The following GRM7 variants were observed in gnomAD, a reference collection of about 807,000 sequenced individuals.
GRM7 encodes glutamate metabotropic receptor 7.
A neutral mutation model predicts 84.5 loss-of-function variants in GRM7; 35 were observed. The ratio of observed to expected loss-of-function variants is 0.41; its 90% CI spans 0.32 to 0.55. The LOEUF (loss-of-function observed/expected upper bound fraction) is 0.55, where lower values mean the gene tolerates loss of function less well. GRM7 is among the 20% of genes least tolerant of loss of function. The probability of loss-of-function intolerance (pLI) is 0.19; values close to 1 mark genes in which losing one functional copy is unlikely to be tolerated. For missense variants in GRM7, 1,003 were observed against 1,194.6 expected, an observed-to-expected ratio of 0.84 and a Z score of 2.36; for synonymous variants, 487 against 455.1, an observed-to-expected ratio of 1.07 and a Z score of -0.89.
At chr3:7,516,943 G>A (rs1700414314) in intron 7 of GRM7, among the ~76,000 whole-genome samples, 2 of 152,120 alleles carry the variant, frequency 1.3e-5, no homozygotes, top group Admixed American at 1.3e-4. Flanking sequence ...CTAGGTTCCT[G>A]AGATGCACCT....
intron 2 of GRM7, among the ~76,000 whole-genome samples, chr3:7,164,408 A>G (rs988825714): frequency 6.6e-6 from 1 of 152,176 alleles, no homozygotes; most frequent in Non-Finnish European, 1.5e-5. Flanking sequence ...AACTTAGCCT[A>G]TGTCTAGCTC....
At chr3:7,640,334 AAGAC>A (rs1299565797) in intron 8 of GRM7, among the ~76,000 whole-genome samples, 4 of 152,216 alleles carry the variant, frequency 2.6e-5, no homozygotes, top group Non-Finnish European at 5.9e-5. Flanking sequence ...TGCGAAGAGA[AAGAC>A]AGTGCAATAT....
At chr3:7,702,465 C>T (rs1701261145) in intron 9 of GRM7, among the ~76,000 whole-genome samples, 1 of 152,154 alleles carries the variant, frequency 6.6e-6, no homozygotes, top group Non-Finnish European at 1.5e-5. Flanking sequence ...GATATGAGTC[C>T]ACTAGTCATA....
At chr3:7,477,395 C>A (rs1315581136) in intron 7 of GRM7, among the ~76,000 whole-genome samples, 1 of 152,122 alleles carries the variant, frequency 6.6e-6, no homozygotes, top group Non-Finnish European at 1.5e-5. Context: ...TCACCCTTCC[C>A]AACTCTGGTG....
At chr3:7,369,960 TAAG>T (rs2125116151) in intron 4 of GRM7, among the ~76,000 whole-genome samples, 1 of 152,220 alleles carries the variant, frequency 6.6e-6, no homozygotes, top group Non-Finnish European at 1.5e-5. Flanking sequence ...CAGAAATAGC[TAAG>T]AAGATGCAAG....
intron 1 of GRM7, among the ~76,000 whole-genome samples, chr3:7,071,119 T>C (rs1040426079): frequency 6.6e-5 from 10 of 152,058 alleles, no homozygotes; most frequent in African/African-American, 2.4e-4. Context: ...TAGGTTCCAC[T>C]AGAGTCAAGC....
intron 1 of GRM7, among the ~76,000 whole-genome samples, chr3:7,028,547 A>C (rs1448526706): frequency 1.3e-5 from 2 of 152,184 alleles, no homozygotes; most frequent in African/African-American, 4.8e-5. Context: ...GCCTAAAACT[A>C]CCATTTTAAA....
chr3:7,591,467 A>G, intron 8 of GRM7: 1 of 447,064 alleles, frequency 2.2e-6, no homozygotes, highest in Non-Finnish European at 4.5e-6. Flanking sequence ...GGGTAGTTTT[A>G]TGCTGTATAT....
intron 9 of GRM7, among the ~76,000 whole-genome samples, chr3:7,713,079 G>C (rs550327058): frequency 6.8e-6 from 1 of 146,086 alleles, no homozygotes; most frequent in African/African-American, 2.6e-5. Flanking sequence ...TCCGACTTCT[G>C]AATAAGGTCA....
chr3:7,128,229 G>A (rs1002665572), intron 1 of GRM7, among the ~76,000 whole-genome samples: 7 of 151,774 alleles, frequency 4.6e-5, no homozygotes, highest in Non-Finnish European at 7.4e-5. Context: ...GCCATTCATT[G>A]TAAAAAATAA....
At chr3:7,273,648 T>C (rs1239080451) in intron 2 of GRM7, among the ~76,000 whole-genome samples, 1 of 152,106 alleles carries the variant, frequency 6.6e-6, no homozygotes, top group Non-Finnish European at 1.5e-5. Flanking sequence ...AAGTCTTTTC[T>C]GTCTTGAGAT....
intron 1 of GRM7, among the ~76,000 whole-genome samples, chr3:6,962,438 GA>G (rs1325278741): frequency 2.6e-5 from 4 of 151,850 alleles, no homozygotes; most frequent in Non-Finnish European, 5.9e-5. Context: ...GTCAAAAGGA[GA>G]AAAAAAGGTG....
intron 4 of GRM7, among the ~76,000 whole-genome samples, chr3:7,411,630 T>C (rs1695940730): frequency 6.6e-6 from 1 of 152,230 alleles, no homozygotes; most frequent in African/African-American, 2.4e-5. Context: ...AATGCATTCT[T>C]TATTTTCTGG....
intron 2 of GRM7, among the ~76,000 whole-genome samples, chr3:7,168,953 A>G (rs1465104096): frequency 6.6e-6 from 1 of 152,226 alleles, no homozygotes; most frequent in Admixed American, 6.5e-5. Context: ...AGGTATCTGC[A>G]TTCTTATATG....
chr3:7,162,728 C>CTTTTTTTTTTTTTTTTTTTTTTTTT (rs1559478421), intron 2 of GRM7, among the ~76,000 whole-genome samples: 1 of 57,102 alleles, frequency 1.8e-5, no homozygotes, highest in African/African-American at 5.2e-5. Flanking sequence ...TCCCATTTTT[C>CTTTTTTTTTTTTTTTTTTTTTTTTT]ATTTTTTTTT....
chr3:7,429,290 G>A (rs1408362376), intron 5 of GRM7, among the ~76,000 whole-genome samples: 2 of 151,974 alleles, frequency 1.3e-5, no homozygotes, highest in Non-Finnish European at 2.9e-5. Context: ...GGAAGCCTGT[G>A]GTAAATGACA....
intron 1 of GRM7, among the ~76,000 whole-genome samples, chr3:7,144,745 C>G (rs1694054491): frequency 6.6e-6 from 1 of 152,138 alleles, no homozygotes; most frequent in Non-Finnish European, 1.5e-5. Context: ...AACAGAAATG[C>G]CAGACTCTGA....
intron 6 of GRM7, among the ~76,000 whole-genome samples, chr3:7,458,649 A>T (rs1261883122): frequency 6.6e-6 from 1 of 152,174 alleles, no homozygotes; most frequent in Non-Finnish European, 1.5e-5. Flanking sequence ...GCAAGAAGGG[A>T]AAAAGATTAG....
At chr3:7,726,370 T>A (rs1702127020) in intron 9 of GRM7, among the ~76,000 whole-genome samples, 1 of 151,938 alleles carries the variant, frequency 6.6e-6, no homozygotes, top group Admixed American at 6.6e-5. Context: ...TAAAAATAAC[T>A]AATTTACTTT....
Sources: allele counts gnomAD v4.1 joint callset (sites outside exome capture counted in the v4.1 genomes callset), GRCh38; gene constraint gnomAD v4.1.1; transcripts MANE v1.5; gene names NCBI Gene and HGNC (gene_info 2026-07-23, HGNC 2026-07-21).